Variants in LRRC53 observed in about 807,000 individuals in gnomAD.
LRRC53 encodes the protein leucine-rich repeat-containing protein 53.
In LRRC53, 25 loss-of-function variants were observed where a neutral mutation model predicts 13.6. The ratio of observed to expected loss-of-function variants is 1.83; its 90% CI spans 1.34 to 2.56. The LOEUF is 2.56. LRRC53 is among the 30% of genes most tolerant of loss of function. The pLI, the probability that LRRC53 is intolerant of heterozygous loss-of-function variation, is 0.00. For synonymous variants in LRRC53, 204 were observed against 109.8 expected (o/e 1.86, Z -5.37); for missense variants, 527 against 275.8 (o/e 1.91, Z -6.45).
chr1:74,500,902 T>G (rs537457978), intron 1 of LRRC53, among the ~76,000 whole-genome samples: 26 of 152,210 alleles, frequency 1.7e-4, no homozygotes, highest in African/African-American at 6.3e-4. Context: ...AAGTCTTCTT[T>G]ATCTTTGGTA....
At chr1:74,473,791 T>A (rs541404379) in intron 4 of LRRC53, among the ~76,000 whole-genome samples, 39 of 152,054 alleles carry the variant, frequency 2.6e-4, no homozygotes, top group Non-Finnish European at 4.7e-4. Context: ...GTAAACAAAT[T>A]ATGTTGGGGA....
chr1:74,472,335 T>C (rs1349144140), intron 4 of LRRC53, 134 bp from the exon 5 acceptor site: 1 of 593,744 alleles, frequency 1.7e-6, no homozygotes, highest in African/African-American at 1.9e-5. Flanking sequence ...ATTTCCTAAT[T>C]TGTAACCAAA....
upstream of LRRC53, among the ~76,000 whole-genome samples, chr1:74,514,953 CAA>C (rs376028747): frequency 7.9e-5 from 12 of 151,876 alleles, no homozygotes; most frequent in African/African-American, 2.9e-4. Flanking sequence ...AAGAAGAGCA[CAA>C]AGACACGCAG....
chr1:74,480,689 C>T lies in LRRC53; in HGVS notation c.368G>A (p.Arg123Gln), dbSNP rs41289204. ...GCTTGTGTTTCGGAACCAAGACCCT[C>T]GTAGGGTGCGGAGAGCATTATTGCT... ...VLSNNALRTLRGSWFRNTSGL... is the reference protein window; with the variant it reads ...VLSNNALRTLQGSWFRNTSGL... The change falls in exon 3 of 5, where the codon CGA (arginine) becomes CAA (glutamine). Residue 123 changes from arginine (R) to glutamine (Q), a missense_variant. By Grantham distance (43) the Arg-to-Gln change is conservative (BLOSUM62 1). Coordinates refer to ENST00000294635, the MANE Select transcript of LRRC53 (RefSeq NM_001382280.1). 20,891 of 717,292 alleles carry T rather than the reference C, an allele frequency of 0.029. 966 individuals are homozygous for T. Among genetic ancestry groups the T allele is most frequent in the East Asian group, 0.16 (5,955 of 37,270 alleles). The allele number at this position is 717,292 out of a possible 1,614,324, so 44.4% of individuals were successfully genotyped here. A position where few individuals can be genotyped will look rare whatever the true frequency, so the allele number is the denominator to read the frequency against.
chr1:74,519,166 AATG>A, the LRRC53 span, among the ~76,000 whole-genome samples: 1 of 90,268 alleles, frequency 1.1e-5, no homozygotes, highest in Non-Finnish European at 2.0e-5. Context: ...GTTTACTGAG[AATG>A]ATGGTTTCCA....
the LRRC53 span, among the ~76,000 whole-genome samples, chr1:74,532,097 G>A: frequency 2.6e-5 from 4 of 152,130 alleles, no homozygotes; most frequent in African/African-American, 9.7e-5. Context: ...GCTGTGTTTA[G>A]GAAGATGAAT....
chr1:74,505,376 C>T (rs953673272), intron 1 of LRRC53, among the ~76,000 whole-genome samples: 1 of 152,258 alleles, frequency 6.6e-6, no homozygotes, highest in South Asian at 2.1e-4. Flanking sequence ...ATTTGTGTTG[C>T]GAAGCTGAAT....
rs367713939 is a variant in LRRC53 at position 74,477,695 on chromosome 1, A to G, written c.905-1885T>C. 9.8e-5 allele frequency among the ~76,000 whole-genome samples: 15 copies of G among 152,322 alleles called. No homozygotes were observed. In the East Asian group the frequency reaches 1.4e-3, roughly 14 times the overall value. On this transcript the variant is annotated intron_variant, in intron 3 of 4. Transcript: ENST00000294635. ...CCCCTGCTCTTGATACTAGGTATAT[A>G]TCTGTATCCCATTACCAGTCAGGTA... is the stretch of plus-strand genomic sequence containing the variant.
At chr1:74,487,839 T>A (rs1668846045) in intron 1 of LRRC53, among the ~76,000 whole-genome samples, 1 of 152,096 alleles carries the variant, frequency 6.6e-6, no homozygotes, top group Non-Finnish European at 1.5e-5. Flanking sequence ...GATCAAAGCT[T>A]GTTGGAGTCA....
the LRRC53 span, among the ~76,000 whole-genome samples, chr1:74,534,199 T>C: frequency 0.017 from 2,299 of 132,602 alleles, 47 homozygotes; most frequent in South Asian, 0.074. Flanking sequence ...AAAACAATTC[T>C]CTGTAATTGT....
rs1570660763 is a variant in LRRC53, at chr1:74,469,626, TTTC to T, written c.*249_*251del. ...TGCTTTTGCAAGACTTGGCAAAACT[TTTC>T]TTACTTGTTTTTTCATTCCTTAGAG... On this transcript the variant is annotated 3_prime_UTR_variant, in exon 5 of 5. Coordinates refer to ENST00000294635, the MANE Select transcript of LRRC53 (RefSeq NM_001382280.1). 3.0e-5 allele frequency: 10 copies of T among 332,158 alleles called. No individual in the cohort carries two copies. In the East Asian group the frequency reaches 4.5e-4, roughly 15 times the overall value. The allele number at this position is 332,158 out of a possible 1,614,324, so 20.6% of individuals were successfully genotyped here. A position where few individuals can be genotyped will look rare whatever the true frequency, so the allele number is the denominator to read the frequency against.
intron 4 of LRRC53, among the ~76,000 whole-genome samples, chr1:74,474,435 A>G (rs1668090180): frequency 6.6e-6 from 1 of 152,104 alleles, no homozygotes; most frequent in Non-Finnish European, 1.5e-5. Flanking sequence ...GAAATAACAT[A>G]TGGTTTTATT....
Position 74,484,830 on chromosome 1 carries a change from C to G in LRRC53, c.-26-1455G>C, listed in dbSNP as rs373082037. Among the ~76,000 whole-genome samples, 13 of 152,224 alleles carry G rather than the reference C, an allele frequency of 8.5e-5. No homozygotes were observed. The East Asian group carries it at 2.1e-3, about 25-fold the overall frequency. ...TTGGAGGCTATAGTGAGTGGCATTA[C>G]TTGGTCTGATGTCTATTTTTAAAGA... On this transcript the variant is annotated intron_variant, in intron 1 of 4. Transcript: ENST00000294635.
intron 1 of LRRC53, among the ~76,000 whole-genome samples, chr1:74,511,150 T>C (rs1346755900): frequency 6.6e-6 from 1 of 151,262 alleles, no homozygotes; most frequent in African/African-American, 2.4e-5. Context: ...CGCCTTGGCC[T>C]CCCAAAGTGC....
chr1:74,481,447 A>G (rs1234249907), intron 2 of LRRC53, among the ~76,000 whole-genome samples: 2 of 152,156 alleles, frequency 1.3e-5, no homozygotes, highest in Non-Finnish European at 2.9e-5. Flanking sequence ...CCCAAAAGTA[A>G]AGGTGCGAGT....
intron 3 of LRRC53, among the ~76,000 whole-genome samples, chr1:74,476,922 G>A (rs9660478): frequency 0.044 from 6,656 of 152,150 alleles, 334 homozygotes; most frequent in African/African-American, 0.12. Context: ...ATGGAGAATA[G>A]CAGTTTCTGG....
At chr1:74,489,466 A>G (rs1333498696) in intron 1 of LRRC53, among the ~76,000 whole-genome samples, 1 of 152,234 alleles carries the variant, frequency 6.6e-6, no homozygotes, top group East Asian at 1.9e-4. Flanking sequence ...CTTCCAACAA[A>G]TAATAGGGCA....
the LRRC53 span, among the ~76,000 whole-genome samples, chr1:74,518,236 G>A: frequency 1.3e-5 from 2 of 152,190 alleles, no homozygotes; most frequent in South Asian, 2.1e-4. Context: ...AGATGTGACA[G>A]TCTGCTTTTC....
intron 4 of LRRC53, among the ~76,000 whole-genome samples, chr1:74,472,481 T>C (rs570882887): frequency 6.6e-6 from 1 of 152,258 alleles, no homozygotes; most frequent in African/African-American, 2.4e-5. Context: ...ATATCTTTAG[T>C]TGTTGGTTAG....
Sources: allele counts gnomAD v4.1 joint callset (sites outside exome capture counted in the v4.1 genomes callset), GRCh38; gene constraint gnomAD v4.1.1; transcripts MANE v1.5; gene names NCBI Gene and HGNC (gene_info 2026-07-23, HGNC 2026-07-21).